The following BCAS1 variants were observed in gnomAD, a reference collection of about 807,000 sequenced individuals.
BCAS1 encodes brain enriched myelin associated protein 1, also known as breast carcinoma-amplified sequence 1.
BCAS1 carries 46 observed loss-of-function variants against 65.4 expected under a neutral mutation model. The ratio of observed to expected loss-of-function variants is 0.70; its 90% CI spans 0.55 to 0.90. The LOEUF is 0.90. Ranked by LOEUF, BCAS1 falls within the 40% of genes least tolerant of loss-of-function variation. The probability of loss-of-function intolerance (pLI) is 0.00; values close to 1 mark genes in which losing one functional copy is unlikely to be tolerated. For missense variants in BCAS1, 793 were observed against 771.2 expected (o/e 1.03, Z -0.33); for synonymous variants, 298 against 293.5 (o/e 1.02, Z -0.16).
chr20:53,967,002 G>A lies in BCAS1; in HGVS notation c.1389C>T (p.Leu463=). ...EVESALQTVD[L]NEGDAAPEPT... is the part of the protein sequence containing the mutation. ...GTTCAGGTGCAGCATCTCCTTCGTT[G>A]AGGTCCACTGTTTGTAAGGCTGATT... The change falls in exon 10 of 13, where the codon CTC becomes CTT. Residue 463 remains leucine (L), a synonymous_variant. Coordinates refer to ENST00000688948, the MANE Select transcript of BCAS1 (RefSeq NM_001366298.2). 5.0e-6 allele frequency: 8 copies of A among 1,613,180 alleles called. No homozygotes were observed. Among genetic ancestry groups the A allele is most frequent in the African/African-American group, 1.3e-5 (1 of 74,994 alleles).
At chr20:53,949,161 A>G (rs1480341756) in intron 12 of BCAS1, among the ~76,000 whole-genome samples, 1 of 151,860 alleles carries the variant, frequency 6.6e-6, no homozygotes, top group East Asian at 1.9e-4. Flanking sequence ...GAATAGTTTC[A>G]CTTTTATCAT....
intron 1 of BCAS1, among the ~76,000 whole-genome samples, chr20:54,059,515 A>G (rs2092350822): frequency 1.3e-5 from 2 of 151,400 alleles, no homozygotes; most frequent in Non-Finnish European, 2.9e-5. Context: ...AGCATTTAGC[A>G]GGGCTTGTAA....
At chr20:54,060,122 C>T (rs768125449) in intron 1 of BCAS1, among the ~76,000 whole-genome samples, 9 of 152,220 alleles carry the variant, frequency 5.9e-5, no homozygotes, top group Non-Finnish European at 1.3e-4. Flanking sequence ...ACTGCCTGGG[C>T]ATGAATCCTC....
intron 3 of BCAS1, among the ~76,000 whole-genome samples, chr20:54,047,056 G>A (rs2092122246): frequency 6.6e-6 from 1 of 152,144 alleles, no homozygotes; most frequent in African/African-American, 2.4e-5. Context: ...TGCCCATGAT[G>A]TCTTCTTTAA....
At chr20:53,977,357 C>T (rs1800525025) in intron 8 of BCAS1, among the ~76,000 whole-genome samples, 1 of 152,310 alleles carries the variant, frequency 6.6e-6, no homozygotes, top group East Asian at 1.9e-4. Context: ...ATACCATGAA[C>T]ACGTAATGAA....
At chr20:53,968,552 A>C (rs1157260434) in intron 9 of BCAS1, among the ~76,000 whole-genome samples, 1 of 152,260 alleles carries the variant, frequency 6.6e-6, no homozygotes, top group Non-Finnish European at 1.5e-5. Flanking sequence ...GGAGTTGCCC[A>C]TCAGTAAATC....
intron 4 of BCAS1, among the ~76,000 whole-genome samples, chr20:54,000,426 G>C (rs1387761998): frequency 6.6e-6 from 1 of 152,134 alleles, no homozygotes; most frequent in Admixed American, 6.5e-5. Flanking sequence ...TCTCCCTTAT[G>C]TTTCCCCAGC....
At chr20:54,068,217 G>A (rs1011673810) in intron 1 of BCAS1, among the ~76,000 whole-genome samples, 1 of 152,234 alleles carries the variant, frequency 6.6e-6, no homozygotes, top group South Asian at 2.1e-4. Context: ...TTTTAGGGCT[G>A]CTTGGTGATT....
rs2092328255 is a variant in BCAS1 at position 54,058,306 on chromosome 20, C to A, written c.73-152G>T. The A allele has an allele frequency of 5.4e-6, 4 of 744,318 alleles. No homozygotes were observed. In the South Asian group the frequency reaches 6.9e-5, roughly 13 times the overall value. 46.1% of individuals were successfully genotyped at this position (744,318 alleles called of 1,614,324 possible). A position where few individuals can be genotyped will look rare whatever the true frequency, so the allele number is the denominator to read the frequency against. On this transcript the variant is annotated intron_variant, in intron 2 of 12. Transcript: ENST00000688948. ...AGAAACTCCCCAGTTTTCTATCATG[C>A]CTTGGAGAACCAAAATAACTCACTC...
Position 54,028,867 on chromosome 20 carries a change from T to G in BCAS1, c.248A>C (p.Glu83Ala). 1.2e-6 allele frequency: 2 copies of G among 1,614,054 alleles called. No individual in the cohort carries two copies. Among genetic ancestry groups the G allele is most frequent in the Non-Finnish European group, 1.7e-6 (2 of 1,180,028 alleles). Residue 83 changes from glutamate to alanine, a missense_variant, in exon 4 of 13, where the codon GAG becomes GCG. Glu to Ala is a moderately radical substitution (Grantham distance 107). Coordinates refer to ENST00000688948, the MANE Select transcript of BCAS1 (RefSeq NM_001366298.2). Reference protein sequence around the residue: ...ADANGKNLGKEAKPEAPAAKS... With the variant: ...ADANGKNLGKAAKPEAPAAKS... ...AGCAGCTGGTGCCTCGGGTTTGGCC[T>G]CTTTCCCAAGATTCTTTCCGTTGGC...
At chr20:53,985,248 C>T (rs368394624) in intron 8 of BCAS1, 39 bp downstream of exon 8, 16 of 1,586,110 alleles carry the variant, frequency 1.0e-5, no homozygotes, top group African/African-American at 8.1e-5. Context: ...GAGTCATCCC[C>T]GCCCGGACGA....
At chr20:54,027,171 A>G (rs1374149576) in intron 4 of BCAS1, among the ~76,000 whole-genome samples, 1 of 152,260 alleles carries the variant, frequency 6.6e-6, no homozygotes, top group African/African-American at 2.4e-5. Flanking sequence ...AAGCTCTTTG[A>G]ATCAAAATGT....
chr20:54,064,453 C>T (rs1385022572), intron 1 of BCAS1, among the ~76,000 whole-genome samples: 1 of 152,218 alleles, frequency 6.6e-6, no homozygotes, highest in Non-Finnish European at 1.5e-5. Flanking sequence ...CACTCACAAC[C>T]CTTCTAGGGG....
In BCAS1 at chr20:54,063,834, T is replaced by G. The variant is rs2092404474; in HGVS notation, c.-5-5111A>C. On this transcript the variant is annotated intron_variant, in intron 1 of 12. Coordinates refer to ENST00000688948, the MANE Select transcript of BCAS1 (RefSeq NM_001366298.2). ...AGGAGAAAAATAAATCAGATAGAGTTTTTCATGATAAACGTACAATTGAAA... is the reference window on the plus strand; with the variant it reads ...AGGAGAAAAATAAATCAGATAGAGTGTTTCATGATAAACGTACAATTGAAA... Among the ~76,000 whole-genome samples, 4 of 152,216 alleles carry G rather than the reference T, an allele frequency of 2.6e-5. No homozygotes were observed. The South Asian group carries it at 8.3e-4, about 31-fold the overall frequency.
chr20:54,066,166 G>A (rs963072233), intron 1 of BCAS1, among the ~76,000 whole-genome samples: 2 of 151,518 alleles, frequency 1.3e-5, no homozygotes, highest in Non-Finnish European at 2.9e-5. Context: ...TCCGTCTCCC[G>A]GGTTCACACC....
chr20:53,995,974 C>T lies in BCAS1; in HGVS notation c.800G>A (p.Gly267Glu). 1.2e-6 allele frequency: 2 copies of T among 1,613,618 alleles called. No individual in the cohort carries two copies. The highest frequency in any genetic ancestry group is 1.7e-6 in the Non-Finnish European group (2 of 1,179,666). The change falls in exon 5 of 13, where the codon GGA becomes GAA. Residue 267 changes from glycine (G) to glutamate (E), a missense_variant. Transcript: ENST00000688948. ...ADCSVPGDPE[G>E]LETAKDDSQA... Reference sequence around the variant, plus strand: ...GGAATCGTCCTTTGCAGTCTCCAGTCCTTCTGGGTCCCCAGGGACAGAGCA... The same window carrying T: ...GGAATCGTCCTTTGCAGTCTCCAGTTCTTCTGGGTCCCCAGGGACAGAGCA...
At chr20:54,042,797 TGA>T (rs2092023807) in intron 3 of BCAS1, among the ~76,000 whole-genome samples, 1 of 152,106 alleles carries the variant, frequency 6.6e-6, no homozygotes, top group Admixed American at 6.6e-5. Context: ...GAACTAGAAA[TGA>T]GAGGTGGGAT....
chr20:53,980,454 C>T (rs978466384), intron 8 of BCAS1, among the ~76,000 whole-genome samples: 1 of 152,146 alleles, frequency 6.6e-6, no homozygotes, highest in African/African-American at 2.4e-5. Flanking sequence ...AATAGTAATG[C>T]TAATAGAGAT....
chr20:54,062,532 T>C (rs1389880314), intron 1 of BCAS1, among the ~76,000 whole-genome samples: 1 of 152,218 alleles, frequency 6.6e-6, no homozygotes, highest in African/African-American at 2.4e-5. Context: ...TTAAAATTAT[T>C]TTAACAGTAG....
Sources: allele counts gnomAD v4.1 joint callset (sites outside exome capture counted in the v4.1 genomes callset), GRCh38; gene constraint gnomAD v4.1.1; transcripts MANE v1.5; gene names NCBI Gene and HGNC (gene_info 2026-07-23, HGNC 2026-07-21).